Variants in SERPINB7 observed in about 807,000 individuals in gnomAD.
The protein encoded by SERPINB7 is serpin B7.
Under a neutral mutation model 37.4 loss-of-function variants are expected in SERPINB7, and 31 were observed. That is an observed-to-expected ratio of 0.83 (90% CI 0.62 to 1.12). SERPINB7 has a LOEUF of 1.12. SERPINB7 is among the 50% of genes most tolerant of loss of function. The pLI, the probability that SERPINB7 is intolerant of heterozygous loss-of-function variation, is 0.00. For missense variants in SERPINB7, 521 were observed against 455.3 expected (o/e 1.14, Z -1.31); for synonymous variants, 163 against 166.1 (o/e 0.98, Z 0.14).
intron 1 of SERPINB7, chr18:63,778,279 T>C (rs969501651): frequency 1.3e-5 from 2 of 152,156 alleles, no homozygotes; most frequent in African/African-American, 4.8e-5. Context: ...TGATCAAAAT[T>C]TGAAACTATG....
intron 1 of SERPINB7, among the ~76,000 whole-genome samples, chr18:63,759,155 T>G (rs892777948): frequency 3.9e-5 from 6 of 152,216 alleles, no homozygotes; most frequent in Non-Finnish European, 8.8e-5. Context: ...CTATCCTATC[T>G]TATATTTTAA....
intron 2 of SERPINB7, among the ~76,000 whole-genome samples, chr18:63,785,895 T>A (rs201823544): frequency 8.3e-6 from 1 of 120,172 alleles, no homozygotes; most frequent in South Asian, 2.8e-4. Context: ...TATATATATA[T>A]AATATACGTA....
intron 1 of SERPINB7, among the ~76,000 whole-genome samples, chr18:63,756,905 A>G (rs1223439835): frequency 6.6e-6 from 1 of 151,808 alleles, no homozygotes; most frequent in Non-Finnish European, 1.5e-5. Context: ...TTGGCAATAA[A>G]GTGAATTAAA....
At chr18:63,773,514 C>CT (rs2049223572), upstream of SERPINB7, among the ~76,000 whole-genome samples, 2 of 152,112 alleles carry the variant, frequency 1.3e-5, no homozygotes, top group South Asian at 4.1e-4. Context: ...CTACAGAGCT[C>CT]TATGTAACCA....
In SERPINB7 at chr18:63,804,481, C is replaced by T; in HGVS notation, c.989C>T (p.Thr330Ile). The change falls in exon 8 of 8, where the codon ACT (threonine) becomes ATT (isoleucine). Residue 330 changes from threonine (T) to isoleucine (I), a missense_variant. Thr to Ile is a moderately conservative substitution (Grantham distance 89, BLOSUM62 -1). Coordinates refer to ENST00000398019, the MANE Select transcript of SERPINB7 (RefSeq NM_003784.4). ...ATGCACAAATCTTACATAGAGGTCA[C>T]TGAGGAGGGCACCGAGGCTACTGCT... ...RMMHKSYIEV[T>I]EEGTEATAAT... 6.2e-7 allele frequency: 1 copy of T among 1,613,732 alleles called. No homozygotes were observed. The highest frequency in any genetic ancestry group is 2.2e-5 in the East Asian group (1 of 44,862).
In SERPINB7 at chr18:63,804,244, A is replaced by C; in HGVS notation, c.752A>C (p.Asn251Thr). The C allele has an allele frequency of 6.5e-7, 1 of 1,548,398 alleles. No individual in the cohort carries two copies. The highest frequency in any genetic ancestry group is 8.7e-7 in the Non-Finnish European group (1 of 1,152,800). Residue 251 changes from asparagine (N) to threonine (T), a missense_variant, in exon 8 of 8, where the codon AAC becomes ACC. Transcript: ENST00000398019. The stretch of plus-strand genomic sequence containing the variant: ...TCTGAATTATTTTTACAGATTGAAA[A>C]CAAACTGACCTTTCAGAATCTAATG... The part of the protein sequence containing the change: ...LPENDLSEIE[N>T]KLTFQNLMEW...
chr18:63,770,790 T>A (rs2049205740), upstream of SERPINB7, among the ~76,000 whole-genome samples: 2 of 151,810 alleles, frequency 1.3e-5, no homozygotes, highest in Admixed American at 1.3e-4. Context: ...GGGTATAGAG[T>A]TCAATAGATT....
chr18:63,802,937 A>G (rs1193182687), intron 7 of SERPINB7, among the ~76,000 whole-genome samples: 1 of 152,214 alleles, frequency 6.6e-6, no homozygotes, highest in Non-Finnish European at 1.5e-5. Flanking sequence ...GTATGACCAT[A>G]TAAAATATTG....
chr18:63,799,821 C>T (rs1387493244), intron 6 of SERPINB7, among the ~76,000 whole-genome samples: 1 of 152,186 alleles, frequency 6.6e-6, no homozygotes, highest in Non-Finnish European at 1.5e-5. Context: ...AGAGAATTAT[C>T]TGTCCTCCCC....
chr18:63,771,721 T>A (rs1209222617), upstream of SERPINB7, among the ~76,000 whole-genome samples: 1 of 152,098 alleles, frequency 6.6e-6, no homozygotes, highest in East Asian at 1.9e-4. Flanking sequence ...TAAGGTTATA[T>A]ATGGGATTCT....
At chr18:63,759,997 T>C (rs1483333121) in intron 1 of SERPINB7, among the ~76,000 whole-genome samples, 1 of 152,114 alleles carries the variant, frequency 6.6e-6, no homozygotes, top group Non-Finnish European at 1.5e-5. Context: ...GGGGTGTTGC[T>C]GAAAAAATAC....
intron 4 of SERPINB7, among the ~76,000 whole-genome samples, chr18:63,794,055 T>A (rs2049458426): frequency 6.6e-6 from 1 of 151,032 alleles, no homozygotes. Context: ...GCGATTCTCC[T>A]GCCTCAGCTT....
intron 4 of SERPINB7, among the ~76,000 whole-genome samples, chr18:63,794,298 A>G (rs994321983): frequency 2.6e-5 from 4 of 151,804 alleles, no homozygotes; most frequent in Non-Finnish European, 5.9e-5. Context: ...AGCAACATCT[A>G]TATAACTATC....
intron 2 of SERPINB7, among the ~76,000 whole-genome samples, chr18:63,790,793 A>G (rs1419208861): frequency 4.6e-5 from 7 of 152,182 alleles, no homozygotes; most frequent in Non-Finnish European, 1.0e-4. Flanking sequence ...TACTGGATAT[A>G]TACCCAAAGG....
At chr18:63,796,220 A>G (rs746056488) in intron 4 of SERPINB7, 46 bp from the exon 5 acceptor site, 1 of 1,060,168 alleles carries the variant, frequency 9.4e-7, no homozygotes, top group Admixed American at 1.8e-5. Flanking sequence ...TTATATACTT[A>G]GTTGGTGATG....
chr18:63,792,514 G>C, intron 3 of SERPINB7, 71 bp downstream of exon 3: 1 of 1,030,534 alleles, frequency 9.7e-7, no homozygotes, highest in Non-Finnish European at 1.5e-6. Context: ...TGTAATACCA[G>C]AACTTTGGAA....
chr18:63,756,987 C>A (rs1163619515), intron 1 of SERPINB7, among the ~76,000 whole-genome samples: 1 of 152,084 alleles, frequency 6.6e-6, no homozygotes, highest in Non-Finnish European at 1.5e-5. Flanking sequence ...AGTTTCCATT[C>A]CATGTTAAGA....
intron 1 of SERPINB7, among the ~76,000 whole-genome samples, chr18:63,763,426 G>T (rs1477039851): frequency 6.6e-6 from 1 of 152,046 alleles, no homozygotes; most frequent in Non-Finnish European, 1.5e-5. Flanking sequence ...TGTTGGAGCT[G>T]GTCTAAATAT....
chr18:63,784,064 T>TAATC (rs2049340702), intron 2 of SERPINB7, among the ~76,000 whole-genome samples: 1 of 152,180 alleles, frequency 6.6e-6, no homozygotes, highest in South Asian at 2.1e-4. Context: ...GCTGAGAACT[T>TAATC]AATCAGTGTT....
Sources: gnomAD v4.1 joint callset for allele counts (sites outside exome capture counted in the v4.1 genomes callset) on GRCh38, gnomAD v4.1.1 for gene constraint, MANE v1.5 for transcripts, NCBI Gene and HGNC (gene_info 2026-07-23, HGNC 2026-07-21) for gene names.